Variants in WDR27 observed in about 807,000 individuals in gnomAD.
WDR27 encodes WD repeat-containing protein 27.
WDR27 carries 100 observed loss-of-function variants against 114.4 expected under a neutral mutation model. The ratio of observed to expected loss-of-function variants is 0.87; its 90% CI spans 0.74 to 1.03. WDR27 has a LOEUF of 1.03. Among genes scored for constraint, WDR27 ranks in the 50% least tolerant of loss-of-function variants. The pLI is 0.00. For synonymous variants in WDR27, 449 were observed against 423.1 expected, an observed-to-expected ratio of 1.06 and a Z score of -0.75; for missense variants, 1,129 against 1,092.9, an observed-to-expected ratio of 1.03 and a Z score of -0.47.
chr6:169,667,336 A>C (rs1828137655), intron 5 of WDR27, 149 bp from the exon 6 acceptor site: 10 of 1,238,440 alleles, frequency 8.1e-6, no homozygotes, highest in Non-Finnish European at 1.0e-5. Context: ...AAAATAATAA[A>C]AATGTAGTAA....
At chr6:169,554,039 T>C (rs1584175787) in intron 25 of WDR27, among the ~76,000 whole-genome samples, 1 of 152,380 alleles carries the variant, frequency 6.6e-6, no homozygotes, top group East Asian at 1.9e-4. Context: ...TGTGCTATTG[T>C]TCTAGTTCTG....
At chr6:169,558,566 T>C (rs1043403278) in intron 25 of WDR27, 3 of 151,980 alleles carry the variant, frequency 2.0e-5, no homozygotes, top group Admixed American at 1.3e-4. Flanking sequence ...CATCTGCAAA[T>C]AGCCAGTGCA....
At position 169,605,108 on chromosome 6, in the gene WDR27, C is replaced by CAAAAAAAAAAAAAAAAA. The variant is rs59884264; in HGVS notation, c.2322-2788_2322-2787insTTTTTTTTTTTTTTTTT. Among the ~76,000 whole-genome samples, 35 of 76,198 alleles carry CAAAAAAAAAAAAAAAAA rather than the reference C, an allele frequency of 4.6e-4. 2 individuals carry two copies. Among genetic ancestry groups the CAAAAAAAAAAAAAAAAA allele is most frequent in the East Asian group, 3.1e-3 (2 of 646 alleles). 50.0% of individuals were successfully genotyped at this position (76,198 alleles called of 152,430 possible). On this transcript the variant is annotated intron_variant, in intron 22 of 25. Coordinates refer to ENST00000448612, the MANE Select transcript of WDR27 (RefSeq NM_182552.5). ...AGAAGTCCTAGCCAGAGCAATTAGG[C>CAAAAAAAAAAAAAAAAA]AAAAAAAAAAAAAAAAGTTTTTTTT...
chr6:169,665,585 C>G (rs1288100512), intron 6 of WDR27, 29 bp from the exon 7 acceptor site: 2 of 1,606,288 alleles, frequency 1.2e-6, no homozygotes, highest in African/African-American at 1.3e-5. Flanking sequence ...GAAAATTTAG[C>G]TTTGTAAGTG....
Position 169,650,675 on chromosome 6 carries a change from A to G in WDR27, c.1481+1255T>C, listed in dbSNP as rs534859928. Among the ~76,000 whole-genome samples, 17 of 128,376 alleles carry G rather than the reference A, an allele frequency of 1.3e-4. No individual in the cohort carries two copies. In the South Asian group the frequency reaches 4.3e-3, roughly 33 times the overall value. The allele number at this position is 128,376 out of a possible 152,430, so 84.2% of individuals were successfully genotyped here. A position where few individuals can be genotyped will look rare whatever the true frequency, so the allele number is the denominator to read the frequency against. ...CCACCATCCATCCACCAACTCATCC[A>G]TCTCTCATCTCTGCACTGCTCCATC... is the stretch of plus-strand genomic sequence containing the variant. On this transcript the variant is annotated intron_variant, in intron 14 of 25. Transcript: ENST00000448612.
chr6:169,524,923 T>C (rs1794779521), intron 25 of WDR27, among the ~76,000 whole-genome samples: 3 of 151,840 alleles, frequency 2.0e-5, no homozygotes, highest in Non-Finnish European at 2.9e-5. Flanking sequence ...AAAGCAAAAA[T>C]AGACAAATGG....
chr6:169,603,398 C>A (rs547495362), intron 22 of WDR27, among the ~76,000 whole-genome samples: 1 of 151,822 alleles, frequency 6.6e-6, no homozygotes, highest in South Asian at 2.1e-4. Flanking sequence ...TAAATTTTTA[C>A]ATTCTTTACT....
chr6:169,466,742 G>C (rs1785638807), intron 25 of WDR27, among the ~76,000 whole-genome samples: 1 of 152,098 alleles, frequency 6.6e-6, no homozygotes, highest in Non-Finnish European at 1.5e-5. Context: ...GATTTGGGTG[G>C]AGACATAGCC....
At chr6:169,482,414 A>T (rs892190536) in intron 25 of WDR27, among the ~76,000 whole-genome samples, 1 of 152,188 alleles carries the variant, frequency 6.6e-6, no homozygotes, top group Non-Finnish European at 1.5e-5. Flanking sequence ...ATGCTCCACA[A>T]CTTCAACAAC....
chr6:169,696,766 T>C (rs1417531861), intron 1 of WDR27, among the ~76,000 whole-genome samples: 1 of 151,978 alleles, frequency 6.6e-6, no homozygotes, highest in Non-Finnish European at 1.5e-5. Flanking sequence ...ATACAAAAAT[T>C]AGCTGGGCAT....
intron 21 of WDR27, among the ~76,000 whole-genome samples, chr6:169,630,339 T>C (rs529250421): frequency 6.6e-6 from 1 of 152,332 alleles, no homozygotes; most frequent in South Asian, 2.1e-4. Flanking sequence ...TTGCTTTCTG[T>C]TGGTAACAGC....
intron 23 of WDR27, among the ~76,000 whole-genome samples, chr6:169,599,052 T>C (rs1358734369): frequency 1.3e-5 from 2 of 152,192 alleles, no homozygotes; most frequent in Non-Finnish European, 2.9e-5. Context: ...GTTTGTTACA[T>C]ATGTATACAT....
At chr6:169,494,498 A>C (rs1790159110) in intron 25 of WDR27, among the ~76,000 whole-genome samples, 1 of 152,172 alleles carries the variant, frequency 6.6e-6, no homozygotes, top group Non-Finnish European at 1.5e-5. Flanking sequence ...GCATTGCACT[A>C]TGATGTTAAA....
At chr6:169,632,290 C>A (rs1469798024) in intron 21 of WDR27, among the ~76,000 whole-genome samples, 1 of 152,008 alleles carries the variant, frequency 6.6e-6, no homozygotes, top group Non-Finnish European at 1.5e-5. Context: ...AAAATGATAC[C>A]CTGAATCATG....
chr6:169,602,091 G>A (rs1808100935), intron 23 of WDR27, 128 bp downstream of exon 23: 1 of 564,808 alleles, frequency 1.8e-6, no homozygotes, highest in African/African-American at 1.8e-5. Flanking sequence ...CTGTGTAAGA[G>A]TCTTAAAATA....
At chr6:169,612,167 C>T (rs1019327064) in intron 22 of WDR27, among the ~76,000 whole-genome samples, 3 of 151,482 alleles carry the variant, frequency 2.0e-5, no homozygotes, top group African/African-American at 7.3e-5. Context: ...CACGGTGGCT[C>T]ATGCTTGTAA....
chr6:169,607,182 T>C (rs951730562), intron 22 of WDR27, among the ~76,000 whole-genome samples: 1 of 152,122 alleles, frequency 6.6e-6, no homozygotes, highest in African/African-American at 2.4e-5. Context: ...AATGTGAAGA[T>C]CTCTCAAAGA....
chr6:169,595,211 T>C (rs965709316), intron 23 of WDR27, among the ~76,000 whole-genome samples: 2 of 152,258 alleles, frequency 1.3e-5, no homozygotes, highest in African/African-American at 4.8e-5. Context: ...ACTGACATTT[T>C]CATCTCAGTT....
At chr6:169,611,296 T>G (rs1425639117) in intron 22 of WDR27, among the ~76,000 whole-genome samples, 1 of 135,794 alleles carries the variant, frequency 7.4e-6, no homozygotes, top group Admixed American at 9.3e-5. Context: ...TACTGTAACT[T>G]TTTTACTTAC....
Sources: allele counts gnomAD v4.1 joint callset (sites outside exome capture counted in the v4.1 genomes callset), GRCh38; gene constraint gnomAD v4.1.1; transcripts MANE v1.5; gene names NCBI Gene and HGNC (gene_info 2026-07-23, HGNC 2026-07-21).